The following MOB3B variants were observed in gnomAD, a reference collection of about 807,000 sequenced individuals.
The protein encoded by MOB3B is MOB kinase activator 3B.
A neutral mutation model predicts 18.7 loss-of-function variants in MOB3B; 7 were observed. The ratio of observed to expected loss-of-function variants is 0.37; its 90% CI spans 0.21 to 0.70. The LOEUF (loss-of-function observed/expected upper bound fraction) is 0.70. MOB3B is among the 30% of genes least tolerant of loss of function. The probability of loss-of-function intolerance (pLI) is 0.52; values close to 1 mark genes in which losing one functional copy is unlikely to be tolerated. For synonymous variants in MOB3B, 111 were observed against 99.9 expected (o/e 1.11, Z -0.66); for missense variants, 253 against 281.3 (o/e 0.90, Z 0.72).
chr9:27,428,388 G>T (rs925746946), intron 2 of MOB3B, among the ~76,000 whole-genome samples: 1 of 152,170 alleles, frequency 6.6e-6, no homozygotes, highest in Non-Finnish European at 1.5e-5. Context: ...CATGCCTGAA[G>T]TACAACGTAG....
chr9:27,483,683 T>G (rs753371240), intron 1 of MOB3B, among the ~76,000 whole-genome samples: 1 of 152,090 alleles, frequency 6.6e-6, no homozygotes, highest in South Asian at 2.1e-4. Context: ...CAGATTATAT[T>G]TAATGTGAGG....
At chr9:27,505,876 CT>C (rs1820051398) in intron 1 of MOB3B, among the ~76,000 whole-genome samples, 1 of 152,174 alleles carries the variant, frequency 6.6e-6, no homozygotes, top group African/African-American at 2.4e-5. Flanking sequence ...TTCCCCCTCT[CT>C]CTTCCTTCTC....
intron 2 of MOB3B, among the ~76,000 whole-genome samples, chr9:27,379,557 C>G (rs1821543485): frequency 6.6e-6 from 1 of 152,172 alleles, no homozygotes; most frequent in Admixed American, 6.5e-5. Flanking sequence ...CAAGGTCACA[C>G]CCCAAAGTGT....
intron 1 of MOB3B, among the ~76,000 whole-genome samples, chr9:27,484,705 C>T (rs998369127): frequency 6.6e-6 from 1 of 152,138 alleles, no homozygotes; most frequent in Non-Finnish European, 1.5e-5. Context: ...GAGCCTTGCA[C>T]CTGCCCTGTG....
intron 2 of MOB3B, among the ~76,000 whole-genome samples, chr9:27,374,147 T>A (rs1387962984): frequency 2.0e-5 from 3 of 152,240 alleles, no homozygotes; most frequent in Admixed American, 2.0e-4. Flanking sequence ...GAACCTGTTC[T>A]GGTTCTCAGG....
At chr9:27,441,274 C>A (rs1270533867) in intron 2 of MOB3B, among the ~76,000 whole-genome samples, 1 of 127,884 alleles carries the variant, frequency 7.8e-6, no homozygotes, top group Non-Finnish European at 1.7e-5. Flanking sequence ...CACAATTTCA[C>A]AGGCAGAAGA....
chr9:27,377,010 T>A (rs1302606940), intron 2 of MOB3B, among the ~76,000 whole-genome samples: 1 of 152,214 alleles, frequency 6.6e-6, no homozygotes, highest in Admixed American at 6.5e-5. Context: ...AGCTACACGA[T>A]CTTGGGCAAA....
intron 1 of MOB3B, among the ~76,000 whole-genome samples, chr9:27,505,818 C>T (rs561243997): frequency 6.6e-6 from 1 of 152,282 alleles, no homozygotes; most frequent in African/African-American, 2.4e-5. Flanking sequence ...ACACATTCTT[C>T]AGGTGTCTCA....
intron 1 of MOB3B, among the ~76,000 whole-genome samples, chr9:27,486,898 A>G (rs1299974725): frequency 1.3e-5 from 2 of 152,194 alleles, no homozygotes; most frequent in Non-Finnish European, 2.9e-5. Flanking sequence ...TGGGAGGCTG[A>G]GGCAGATGGA....
chr9:27,507,839 G>A (rs17769134), intron 1 of MOB3B, among the ~76,000 whole-genome samples: 4,794 of 152,282 alleles, frequency 0.031, 102 homozygotes, highest in Middle Eastern at 0.065. Context: ...GTTTAAAAAC[G>A]ATGATCTCCT....
intron 2 of MOB3B, among the ~76,000 whole-genome samples, chr9:27,449,516 A>G (rs1822748984): frequency 6.6e-6 from 1 of 152,246 alleles, no homozygotes; most frequent in Non-Finnish European, 1.5e-5. Flanking sequence ...AAAGTCACAC[A>G]GCAGCTTCTA....
intron 2 of MOB3B, among the ~76,000 whole-genome samples, chr9:27,441,340 C>T (rs1174102255): frequency 6.6e-6 from 1 of 152,092 alleles, no homozygotes; most frequent in Non-Finnish European, 1.5e-5. Flanking sequence ...TCCTTAAGTC[C>T]TTATGTTCAC....
intron 2 of MOB3B, chr9:27,397,625 A>G (rs891366592): frequency 2.0e-5 from 3 of 152,186 alleles, no homozygotes; most frequent in African/African-American, 4.8e-5. Context: ...GAACCCTCAC[A>G]AGATTCTAGT....
chr9:27,417,911 T>C (rs977888232), intron 2 of MOB3B, among the ~76,000 whole-genome samples: 3 of 151,992 alleles, frequency 2.0e-5, no homozygotes, highest in African/African-American at 7.2e-5. Flanking sequence ...GGTGTACACT[T>C]AGTACAACTT....
rs145013135 is a variant in MOB3B, at chr9:27,520,339, A to C, written c.-199+9216T>G. Among the ~76,000 whole-genome samples, 21 of 152,338 alleles carry C rather than the reference A, an allele frequency of 1.4e-4. 1 individual carries two copies. The East Asian group carries it at 4.0e-3, about 29-fold the overall frequency. On this transcript the variant is annotated intron_variant, in intron 1 of 3. Transcript: ENST00000262244. ...TCTGAGGAAAGCCTGAACATGTATA[A>C]ACGATCTCAAGCCATGCCAGGGAAA... is the stretch of plus-strand genomic sequence containing the variant.
intron 2 of MOB3B, among the ~76,000 whole-genome samples, chr9:27,451,467 G>C (rs1007320685): frequency 6.6e-6 from 1 of 152,090 alleles, no homozygotes; most frequent in Non-Finnish European, 1.5e-5. Context: ...GAAATAGCAC[G>C]GGTCACCTAG....
intron 1 of MOB3B, among the ~76,000 whole-genome samples, chr9:27,483,334 G>A (rs931618211): frequency 1.5e-4 from 23 of 151,890 alleles, no homozygotes; most frequent in African/African-American, 2.7e-4. Context: ...GGGTTTCACC[G>A]TGTTAGCCAG....
chr9:27,422,223 G>C (rs1055532469), intron 2 of MOB3B, among the ~76,000 whole-genome samples: 1 of 152,166 alleles, frequency 6.6e-6, no homozygotes, highest in Non-Finnish European at 1.5e-5. Flanking sequence ...CTTTCAAATA[G>C]GTGGCTGGCT....
chr9:27,526,079 T>A (rs1357143531), intron 1 of MOB3B: 3 of 152,188 alleles, frequency 2.0e-5, no homozygotes, highest in Non-Finnish European at 4.4e-5. Context: ...GTGAAATATA[T>A]CTGAAATGTA....
Sources: gnomAD v4.1 joint callset for allele counts (sites outside exome capture counted in the v4.1 genomes callset) on GRCh38, gnomAD v4.1.1 for gene constraint, MANE v1.5 for transcripts, NCBI Gene and HGNC (gene_info 2026-07-23, HGNC 2026-07-21) for gene names.